The following PTPN4 variants were observed in gnomAD, a reference collection of about 807,000 sequenced individuals.
PTPN4 encodes the protein protein tyrosine phosphatase non-receptor type 4, also known as tyrosine-protein phosphatase non-receptor type 4.
Under a neutral mutation model 135.5 loss-of-function variants are expected in PTPN4, and 49 were observed. The observed-to-expected ratio is 0.36, with a 90% CI of 0.29 to 0.46. The LOEUF (loss-of-function observed/expected upper bound fraction) is 0.46, where lower values mean the gene tolerates loss of function less well. Among genes scored for constraint, PTPN4 ranks in the 20% least tolerant of loss-of-function variants. The probability of loss-of-function intolerance (pLI) is 1.00; values close to 1 mark genes in which losing one functional copy is unlikely to be tolerated. For missense variants in PTPN4, 860 were observed against 1,101.0 expected, an observed-to-expected ratio of 0.78 and a Z score of 3.10; for synonymous variants, 333 against 369.9, an observed-to-expected ratio of 0.90 and a Z score of 1.14.
intron 15 of PTPN4, among the ~76,000 whole-genome samples, chr2:119,936,077 A>G (rs544601138): frequency 1.3e-3 from 191 of 151,604 alleles, no homozygotes; most frequent in African/African-American, 4.4e-3. Context: ...ATCTCGGCTC[A>G]CTGCAAGCTC....
intron 10 of PTPN4, among the ~76,000 whole-genome samples, chr2:119,905,847 A>G (rs191131936): frequency 1.3e-5 from 2 of 152,204 alleles, no homozygotes; most frequent in African/African-American, 2.4e-5. Context: ...ATTAAACAAC[A>G]CTCTCCTGAA....
chr2:119,902,662 G>A (rs933482994), intron 10 of PTPN4, among the ~76,000 whole-genome samples: 7 of 152,216 alleles, frequency 4.6e-5, no homozygotes, highest in African/African-American at 1.4e-4. Context: ...CACAGAAGGA[G>A]AGGGAAGCAA....
chr2:119,875,553 G>A (rs1677972116), intron 3 of PTPN4, among the ~76,000 whole-genome samples: 2 of 152,230 alleles, frequency 1.3e-5, no homozygotes, highest in South Asian at 4.2e-4. Flanking sequence ...TGGATGGGAA[G>A]GTGGATAAAT....
intron 2 of PTPN4, among the ~76,000 whole-genome samples, chr2:119,829,964 C>G (rs1213126533): frequency 6.6e-6 from 1 of 152,064 alleles, no homozygotes; most frequent in Non-Finnish European, 1.5e-5. Context: ...TTATACATAT[C>G]ATTACCAACA....
At chr2:119,785,915 T>C (rs1045879337) in intron 1 of PTPN4, among the ~76,000 whole-genome samples, 5 of 152,184 alleles carry the variant, frequency 3.3e-5, no homozygotes, top group African/African-American at 1.2e-4. Context: ...CCCATGTGGA[T>C]AGACTGATCC....
intron 10 of PTPN4, among the ~76,000 whole-genome samples, chr2:119,903,068 C>T (rs1678430459): frequency 6.6e-6 from 1 of 152,276 alleles, no homozygotes; most frequent in Admixed American, 6.5e-5. Context: ...ACCCAGGATA[C>T]AGCTAGGTCC....
At position 119,945,146 on chromosome 2, in the gene PTPN4, G is replaced by A; in HGVS notation, c.1421G>A (p.Ser474Asn). The change falls in exon 16 of 27, where the codon AGT (serine) becomes AAT (asparagine). Residue 474 changes from serine (S) to asparagine (N), a missense_variant. Transcript: ENST00000263708. Reference protein sequence around the residue: ...ALPPKQSKKNSWNQIHYSHSQ... With the variant: ...ALPPKQSKKNNWNQIHYSHSQ... ...CCACCCAAACAGTCAAAGAAAAACA[G>A]TTGGAACCAAATTCATTATTCACAT... 6.2e-7 allele frequency: 1 copy of A among 1,604,854 alleles called. No homozygotes were observed. The highest frequency in any genetic ancestry group is 8.5e-7 in the Non-Finnish European group (1 of 1,176,302).
At chr2:119,768,344 C>T (rs188610670) in intron 1 of PTPN4, among the ~76,000 whole-genome samples, 1 of 152,162 alleles carries the variant, frequency 6.6e-6, no homozygotes, top group African/African-American at 2.4e-5. Context: ...TCCAAGGAAT[C>T]CTGATTTTAT....
Position 119,908,128 on chromosome 2 carries a change from G to A in PTPN4, c.765-7051G>A, listed in dbSNP as rs565606092. 2.2e-4 allele frequency among the ~76,000 whole-genome samples: 34 copies of A among 152,196 alleles called. No individual in the cohort carries two copies. In the South Asian group the frequency reaches 3.7e-3, roughly 17 times the overall value. On this transcript the variant is annotated intron_variant, in intron 10 of 26. Transcript: ENST00000263708. ...TATCAAACTAAAACGCTTTTACATA[G>A]CAAAGGAAACAATCGACAGAGTATA...
At chr2:119,908,116 C>T (rs1678515909) in intron 10 of PTPN4, among the ~76,000 whole-genome samples, 1 of 152,078 alleles carries the variant, frequency 6.6e-6, no homozygotes, top group Non-Finnish European at 1.5e-5. Context: ...CAAACTAAAA[C>T]GCTTTTACAT....
Position 119,934,923 on chromosome 2 carries a change from A to G in PTPN4, c.1320A>G (p.Ser440=). 2 of 1,613,988 alleles carry G rather than the reference A, an allele frequency of 1.2e-6. No homozygotes were observed. Among genetic ancestry groups the G allele is most frequent in the Non-Finnish European group, 1.7e-6 (2 of 1,179,850 alleles). ...TTGTAAATCAGAGATCTCCGTCATC[A>G]ACACAAGCTAATAGCATTGTTCTGG... ...EVFVNQRSPS[S]TQANSIVLES... Residue 440 remains serine, a synonymous_variant, in exon 15 of 27, where the codon TCA becomes TCG. Transcript: ENST00000263708.
chr2:119,921,263 G>A (rs1420482760), intron 12 of PTPN4, among the ~76,000 whole-genome samples: 2 of 152,030 alleles, frequency 1.3e-5, no homozygotes, highest in East Asian at 1.9e-4. Context: ...TCCAGCCTGG[G>A]TGACAGAGCA....
At position 119,882,517 on chromosome 2, in the gene PTPN4, T is replaced by G; in HGVS notation, c.481T>G (p.Tyr161Asp). 1 of 1,533,062 alleles carries G rather than the reference T, an allele frequency of 6.5e-7. No individual in the cohort carries two copies. Among genetic ancestry groups the G allele is most frequent in the Non-Finnish European group, 8.8e-7 (1 of 1,134,928 alleles). 95.0% of individuals were successfully genotyped at this position (1,533,062 alleles called of 1,614,324 possible). ...SFAVQSELGD[Y>D]DQSENLSGYL... Reference sequence around the variant, plus strand: ...TTCATTATTAGCTGAACTTGGAGACTACGATCAGTCAGAGAACTTGTCAGG... The same window carrying G: ...TTCATTATTAGCTGAACTTGGAGACGACGATCAGTCAGAGAACTTGTCAGG... The change falls in exon 8 of 27, where the codon TAC (tyrosine) becomes GAC (aspartate). Residue 161 changes from tyrosine to aspartate, a missense_variant. Tyr to Asp is a radical substitution (Grantham distance 160). Transcript: ENST00000263708.
intron 3 of PTPN4, among the ~76,000 whole-genome samples, chr2:119,864,251 A>C (rs1287235192): frequency 1.3e-5 from 2 of 152,160 alleles, no homozygotes; most frequent in Non-Finnish European, 2.9e-5. Context: ...CCCACATAGC[A>C]AGTAGCTTCA....
At chr2:119,762,213 TAAA>T (rs575139083) in intron 1 of PTPN4, among the ~76,000 whole-genome samples, 1 of 151,982 alleles carries the variant, frequency 6.6e-6, no homozygotes, top group Non-Finnish European at 1.5e-5. Context: ...GAAGGACTTT[TAAA>T]AAAAGTATAG....
chr2:119,846,670 T>C (rs538062894), intron 2 of PTPN4, among the ~76,000 whole-genome samples: 1 of 152,196 alleles, frequency 6.6e-6, no homozygotes, highest in East Asian at 1.9e-4. Flanking sequence ...TTGCTTTTTT[T>C]GTTTCTCTTT....
chr2:119,911,758 A>G (rs1327413690), intron 10 of PTPN4, among the ~76,000 whole-genome samples: 1 of 152,182 alleles, frequency 6.6e-6, no homozygotes, highest in African/African-American at 2.4e-5. Flanking sequence ...CTGAAAATAA[A>G]GAGATAAAAA....
intron 11 of PTPN4, among the ~76,000 whole-genome samples, chr2:119,917,750 G>GA (rs1458248446): frequency 7.9e-5 from 12 of 151,358 alleles, no homozygotes; most frequent in East Asian, 1.9e-4. Flanking sequence ...AAGAAAAAAG[G>GA]AAAAAAAAGA....
chr2:119,917,684 G>A (rs556475058), intron 11 of PTPN4, among the ~76,000 whole-genome samples: 100 of 151,780 alleles, frequency 6.6e-4, no homozygotes, highest in African/African-American at 2.3e-3. Flanking sequence ...AGCCAATATC[G>A]CACCACTGTA....
Sources: gnomAD v4.1 joint callset for allele counts (sites outside exome capture counted in the v4.1 genomes callset) on GRCh38, gnomAD v4.1.1 for gene constraint, MANE v1.5 for transcripts, NCBI Gene and HGNC (gene_info 2026-07-23, HGNC 2026-07-21) for gene names.